Variants in CSMD3 observed in about 807,000 individuals in gnomAD.
CSMD3 encodes CUB and sushi domain-containing protein 3.
In CSMD3, 177 loss-of-function variants were observed where a neutral mutation model predicts 435.2. The ratio of observed to expected loss-of-function variants is 0.41; its 90% CI spans 0.36 to 0.46. The LOEUF is 0.46. CSMD3 is among the 20% of genes least tolerant of loss of function. The pLI is 0.34. For missense variants in CSMD3, 4,265 were observed against 4,504.6 expected (o/e 0.95, Z 1.52); for synonymous variants, 1,656 against 1,520.5 (o/e 1.09, Z -2.07).
intron 64 of CSMD3, 151 bp downstream of exon 64, chr8:112,246,869 A>G: frequency 1.5e-6 from 1 of 674,080 alleles, no homozygotes. Context: ...GGTTTATGAT[A>G]CAGTAATAAA....
chr8:113,156,964 C>CAG (rs907398341), intron 4 of CSMD3, among the ~76,000 whole-genome samples: 2 of 149,776 alleles, frequency 1.3e-5, no homozygotes, highest in South Asian at 2.1e-4. Context: ...GAGACAGAGA[C>CAG]AGAGAGAGAG....
chr8:112,645,317 C>T, intron 19 of CSMD3, 92 bp from the exon 20 acceptor site: 1 of 794,468 alleles, frequency 1.3e-6, no homozygotes, highest in African/African-American at 1.7e-5. Flanking sequence ...TGAGCAGTCG[C>T]ATTATCTTTG....
chr8:112,740,370 G>GT (rs76572568), intron 13 of CSMD3, among the ~76,000 whole-genome samples: 5 of 150,696 alleles, frequency 3.3e-5, no homozygotes, highest in African/African-American at 9.8e-5. Flanking sequence ...TCTTTTTTGT[G>GT]TTTTTTTCAC....
At chr8:113,232,218 T>C (rs2093096827) in intron 3 of CSMD3, among the ~76,000 whole-genome samples, 1 of 151,620 alleles carries the variant, frequency 6.6e-6, no homozygotes. Flanking sequence ...ATTGCTTCTA[T>C]AAAACTTCCT....
intron 39 of CSMD3, among the ~76,000 whole-genome samples, chr8:112,351,892 G>A (rs1354346987): frequency 2.0e-5 from 3 of 149,642 alleles, no homozygotes; most frequent in African/African-American, 7.5e-5. Context: ...TGGGACCCTC[G>A]ACAAAAAAAA....
At chr8:113,325,496 C>A (rs983402914) in intron 1 of CSMD3, among the ~76,000 whole-genome samples, 2 of 152,150 alleles carry the variant, frequency 1.3e-5, no homozygotes, top group African/African-American at 2.4e-5. Flanking sequence ...GATTGTGAGG[C>A]CTCCCCAGCC....
chr8:112,375,249 T>C (rs1466534245), intron 38 of CSMD3, among the ~76,000 whole-genome samples: 1 of 152,130 alleles, frequency 6.6e-6, no homozygotes, highest in Non-Finnish European at 1.5e-5. Flanking sequence ...ACATATTCCA[T>C]GTAATAAAGT....
chr8:112,722,331 C>G (rs2076876391), intron 13 of CSMD3, among the ~76,000 whole-genome samples: 1 of 151,558 alleles, frequency 6.6e-6, no homozygotes, highest in Non-Finnish European at 1.5e-5. Context: ...TTTGGGCAAA[C>G]TGGGTATATT....
At chr8:112,419,402 TTTTGTAGTAA>T (rs755487542) in intron 32 of CSMD3, among the ~76,000 whole-genome samples, 50 of 152,300 alleles carry the variant, frequency 3.3e-4, no homozygotes, top group Non-Finnish European at 4.9e-4. Context: ...TGTATTGCTA[TTTTGTAGTAA>T]TTAGGAAATA....
chr8:113,234,780 G>C (rs2093128878), intron 3 of CSMD3, among the ~76,000 whole-genome samples: 2 of 152,200 alleles, frequency 1.3e-5, no homozygotes, highest in African/African-American at 2.4e-5. Flanking sequence ...TGCAAATGGT[G>C]TATCTATGGA....
intron 1 of CSMD3, among the ~76,000 whole-genome samples, chr8:113,342,205 T>C (rs773554067): frequency 3.3e-5 from 5 of 152,094 alleles, no homozygotes; most frequent in Non-Finnish European, 7.4e-5. Flanking sequence ...ATCAGACAAA[T>C]GAAACTATCT....
At chr8:113,302,256 A>G (rs1016534441) in intron 2 of CSMD3, among the ~76,000 whole-genome samples, 4 of 133,356 alleles carry the variant, frequency 3.0e-5, no homozygotes, top group Admixed American at 1.8e-4. Context: ...TATATATTAT[A>G]TAAAATATAT....
At chr8:112,390,901 T>C (rs1830358459) in intron 35 of CSMD3, 113 bp from the exon 36 acceptor site, 2 of 1,016,626 alleles carry the variant, frequency 2.0e-6, no homozygotes, top group Non-Finnish European at 1.5e-6. Context: ...AATCAAATCA[T>C]ACTTTTTTCA....
intron 14 of CSMD3, among the ~76,000 whole-genome samples, chr8:112,688,683 A>G (rs1033935384): frequency 1.3e-5 from 2 of 152,000 alleles, no homozygotes; most frequent in African/African-American, 2.4e-5. Context: ...GTATTTTCTG[A>G]ATGTATTCTC....
At chr8:112,368,645 G>T (rs2131162210) in intron 38 of CSMD3, among the ~76,000 whole-genome samples, 1 of 152,216 alleles carries the variant, frequency 6.6e-6, no homozygotes, top group East Asian at 1.9e-4. Flanking sequence ...ATGAATAAAT[G>T]AATGGGTTTG....
chr8:112,974,896 G>A (rs1223440354), intron 7 of CSMD3, among the ~76,000 whole-genome samples: 1 of 151,440 alleles, frequency 6.6e-6, no homozygotes, highest in Non-Finnish European at 1.5e-5. Context: ...TAATCACACT[G>A]CAAAAACCAT....
chr8:112,623,911 T>C (rs911568909), intron 22 of CSMD3, among the ~76,000 whole-genome samples: 2 of 152,014 alleles, frequency 1.3e-5, no homozygotes, highest in South Asian at 4.1e-4. Flanking sequence ...AATAAATGAA[T>C]GAAGGCTAAA....
intron 3 of CSMD3, among the ~76,000 whole-genome samples, chr8:113,239,490 A>G (rs569932828): frequency 8.3e-6 from 1 of 120,730 alleles, no homozygotes; most frequent in African/African-American, 3.7e-5. Context: ...TATATGCAGT[A>G]TGTAGTTTTA....
intron 24 of CSMD3, among the ~76,000 whole-genome samples, chr8:112,558,694 T>C (rs933054178): frequency 1.5e-4 from 23 of 151,976 alleles, no homozygotes; most frequent in African/African-American, 5.1e-4. Context: ...GAAACATACA[T>C]ATATGGCGTC....
Sources: gnomAD v4.1 joint callset for allele counts (sites outside exome capture counted in the v4.1 genomes callset) on GRCh38, gnomAD v4.1.1 for gene constraint, MANE v1.5 for transcripts, NCBI Gene and HGNC (gene_info 2026-07-23, HGNC 2026-07-21) for gene names.